CDH12: variants seen among roughly 807,000 people sequenced by gnomAD.
The protein encoded by CDH12 is cadherin-12.
In CDH12, 41 loss-of-function variants were observed where a neutral mutation model predicts 74.1. That is an observed-to-expected ratio of 0.55 (90% CI 0.43 to 0.72). CDH12 has a LOEUF of 0.72. Among genes scored for constraint, CDH12 ranks in the 30% least tolerant of loss-of-function variants. CDH12 has a pLI of 0.00. For synonymous variants in CDH12, 399 were observed against 355.0 expected, an observed-to-expected ratio of 1.12 and a Z score of -1.39; for missense variants, 945 against 977.2, an observed-to-expected ratio of 0.97 and a Z score of 0.44.
intron 1 of CDH12, among the ~76,000 whole-genome samples, chr5:22,568,200 A>G (rs560200959): frequency 4.5e-4 from 68 of 152,206 alleles, no homozygotes; most frequent in Non-Finnish European, 9.1e-4. Context: ...CACTAATGGG[A>G]GTATAATGCC....
chr5:22,296,736 C>T (rs902284297), intron 3 of CDH12, among the ~76,000 whole-genome samples: 1 of 152,136 alleles, frequency 6.6e-6, no homozygotes, highest in Non-Finnish European at 1.5e-5. Flanking sequence ...CTGCTTCAAG[C>T]GTGAAGCTGG....
At chr5:21,986,348 C>A (rs1484390323) in intron 5 of CDH12, among the ~76,000 whole-genome samples, 2 of 152,120 alleles carry the variant, frequency 1.3e-5, no homozygotes, top group Non-Finnish European at 2.9e-5. Context: ...GCCTTCATGG[C>A]TACATATAAA....
chr5:22,426,057 G>T (rs368818798), intron 2 of CDH12, among the ~76,000 whole-genome samples: 2 of 151,736 alleles, frequency 1.3e-5, no homozygotes, highest in African/African-American at 2.4e-5. Flanking sequence ...TGTGGTGGCG[G>T]GCGCCTGTAG....
chr5:22,195,949 G>C (rs1213552554), intron 4 of CDH12, among the ~76,000 whole-genome samples: 2 of 152,006 alleles, frequency 1.3e-5, no homozygotes, highest in Admixed American at 6.6e-5. Flanking sequence ...TTTTTTAAAA[G>C]AGTCATATAT....
chr5:21,924,078 G>A (rs1421141378), intron 6 of CDH12, among the ~76,000 whole-genome samples: 1 of 152,062 alleles, frequency 6.6e-6, no homozygotes, highest in East Asian at 1.9e-4. Flanking sequence ...TGCTCAAACT[G>A]TAACAACACC....
rs772782786 is a variant in CDH12 at position 22,520,935 on chromosome 5, C to T, written c.-522-15571G>A. Among the ~76,000 whole-genome samples, 4 of 151,546 alleles carry T rather than the reference C, an allele frequency of 2.6e-5. 1 individual carries two copies. Among genetic ancestry groups the T allele is most frequent in the Non-Finnish European group, 5.9e-5 (4 of 67,914 alleles). On this transcript the variant is annotated intron_variant, in intron 1 of 14. Transcript: ENST00000382254. ...GAATCCTCTTTAGATGTTTTTAGCT[C>T]CATTGCATTATTTGTGTGACAAGCA...
chr5:21,942,655 T>C (rs1755393539), intron 6 of CDH12, among the ~76,000 whole-genome samples: 2 of 152,080 alleles, frequency 1.3e-5, no homozygotes, highest in African/African-American at 4.8e-5. Flanking sequence ...TATATGAGTA[T>C]ATATATTCAA....
intron 1 of CDH12, among the ~76,000 whole-genome samples, chr5:22,643,149 A>G (rs1405453536): frequency 1.3e-5 from 2 of 152,198 alleles, no homozygotes; most frequent in African/African-American, 4.8e-5. Context: ...GACTGCAAAT[A>G]TTTAATAACA....
chr5:22,025,486 T>A (rs1361876294), intron 5 of CDH12, among the ~76,000 whole-genome samples: 1 of 152,182 alleles, frequency 6.6e-6, no homozygotes, highest in Admixed American at 6.5e-5. Context: ...ATGCTAATGA[T>A]CATCTCACTG....
At chr5:22,470,603 T>A (rs1004154213) in intron 2 of CDH12, among the ~76,000 whole-genome samples, 4 of 151,834 alleles carry the variant, frequency 2.6e-5, no homozygotes, top group Non-Finnish European at 5.9e-5. Context: ...AAAATTTTTG[T>A]AGAGATAAGG....
At chr5:22,425,100 A>C (rs1580635210) in intron 2 of CDH12, among the ~76,000 whole-genome samples, 1 of 140,838 alleles carries the variant, frequency 7.1e-6, no homozygotes, top group East Asian at 2.1e-4. Flanking sequence ...AGAGAGAGAG[A>C]GAATTTTTAC....
At chr5:22,045,340 A>C (rs1022909138) in intron 5 of CDH12, among the ~76,000 whole-genome samples, 2 of 152,126 alleles carry the variant, frequency 1.3e-5, no homozygotes, top group African/African-American at 4.8e-5. Flanking sequence ...CTCTTTGGGA[A>C]TGTAAATTAG....
At chr5:21,755,869 A>G (rs187035909) in intron 13 of CDH12, 27 bp from the exon 14 acceptor site, 1,191 of 1,609,746 alleles carry the variant, frequency 7.4e-4, no homozygotes, top group Non-Finnish European at 8.5e-4. Context: ...TTATGGTAAC[A>G]TGGTTACTAT....
At chr5:22,118,454 T>C (rs1262294617) in intron 4 of CDH12, among the ~76,000 whole-genome samples, 1 of 152,122 alleles carries the variant, frequency 6.6e-6, no homozygotes, top group Non-Finnish European at 1.5e-5. Context: ...CCTAGACTGC[T>C]ATACACCACT....
At chr5:22,017,999 T>C (rs961152525) in intron 5 of CDH12, among the ~76,000 whole-genome samples, 12 of 152,096 alleles carry the variant, frequency 7.9e-5, no homozygotes, top group Admixed American at 2.0e-4. Flanking sequence ...CCTCAGGTGA[T>C]CCGCCCACCT....
intron 4 of CDH12, among the ~76,000 whole-genome samples, chr5:22,118,602 A>T (rs1050720996): frequency 1.3e-5 from 2 of 152,032 alleles, no homozygotes; most frequent in African/African-American, 4.8e-5. Flanking sequence ...TTCACACATG[A>T]AAAAGTGCAT....
intron 1 of CDH12, among the ~76,000 whole-genome samples, chr5:22,800,997 C>T (rs1748481805): frequency 6.6e-6 from 1 of 152,122 alleles, no homozygotes; most frequent in Admixed American, 6.6e-5. Flanking sequence ...AATAGAGCCG[C>T]CATAAAAAAC....
intron 1 of CDH12, among the ~76,000 whole-genome samples, chr5:22,776,456 C>T (rs975692927): frequency 2.0e-5 from 3 of 152,182 alleles, no homozygotes; most frequent in South Asian, 2.1e-4. Context: ...TATAGAATTG[C>T]AGAAGGCTGG....
At chr5:22,154,673 T>C (rs1747910709) in intron 4 of CDH12, among the ~76,000 whole-genome samples, 1 of 145,344 alleles carries the variant, frequency 6.9e-6, no homozygotes, top group South Asian at 2.2e-4. Flanking sequence ...AATAATAATA[T>C]CAAAAATAAA....
Sources: allele counts gnomAD v4.1 joint callset (sites outside exome capture counted in the v4.1 genomes callset), GRCh38; gene constraint gnomAD v4.1.1; transcripts MANE v1.5; gene names NCBI Gene and HGNC (gene_info 2026-07-23, HGNC 2026-07-21).